Variants in SPAG16 observed in about 807,000 individuals in gnomAD.
The protein encoded by SPAG16 is sperm associated antigen 16.
Under a neutral mutation model 80.4 loss-of-function variants are expected in SPAG16, and 86 were observed. The observed-to-expected ratio is 1.07, with a 90% CI of 0.90 to 1.28. SPAG16 has a LOEUF of 1.28. Among genes scored for constraint, SPAG16 ranks in the 50% most tolerant of loss-of-function variants. The pLI, the probability that SPAG16 is intolerant of heterozygous loss-of-function variation, is 0.00. For missense variants in SPAG16, 870 were observed against 765.3 expected (o/e 1.14, Z -1.61); for synonymous variants, 294 against 265.9 (o/e 1.11, Z -1.03).
chr2:214,271,853 A>C (rs7597256), intron 15 of SPAG16, among the ~76,000 whole-genome samples: 79,749 of 122,988 alleles, frequency 0.65, 23,731 homozygotes, highest in South Asian at 0.75. Flanking sequence ...CCCCCCCCCC[A>C]AAAAAAAAGA....
chr2:213,649,021 TG>T (rs1300978396), intron 10 of SPAG16, among the ~76,000 whole-genome samples: 1 of 152,242 alleles, frequency 6.6e-6, no homozygotes, highest in Non-Finnish European at 1.5e-5. Flanking sequence ...ATGTATGTGT[TG>T]TTAGAAGTAT....
At chr2:213,819,017 AG>A (rs1300360855) in intron 10 of SPAG16, among the ~76,000 whole-genome samples, 1 of 152,134 alleles carries the variant, frequency 6.6e-6, no homozygotes, top group Non-Finnish European at 1.5e-5. Flanking sequence ...AAGTATTAAA[AG>A]TGTACATTCA....
At chr2:213,425,418 G>A (rs1223737043) in intron 9 of SPAG16, among the ~76,000 whole-genome samples, 3 of 152,314 alleles carry the variant, frequency 2.0e-5, no homozygotes, top group Admixed American at 2.0e-4. Flanking sequence ...GGGAGGCTGA[G>A]GTGGGTGGAT....
rs115088731 is a variant in SPAG16 at position 214,198,864 on chromosome 2, G to A, written c.1720+49598G>A. Among the ~76,000 whole-genome samples the A allele has an allele frequency of 9.4e-3, 1,433 of 152,078 alleles. 21 individuals carry two copies. The highest frequency in any genetic ancestry group is 0.032 in the African/African-American group (1,335 of 41,490). ...TTTCCCTGATAATTAGGGATATTGA[G>A]CATTTTTTCATATGTTTGTTGGCCA... On this transcript the variant is annotated intron_variant, in intron 15 of 15. Transcript: ENST00000331683.
At chr2:213,299,887 G>C (rs72935166) in intron 3 of SPAG16, among the ~76,000 whole-genome samples, 31,807 of 151,982 alleles carry the variant, frequency 0.21, 4,315 homozygotes, top group Non-Finnish European at 0.31. Context: ...ATATATGTTC[G>C]TTAGATTGTG....
At chr2:213,474,706 T>C (rs2073276422) in intron 9 of SPAG16, among the ~76,000 whole-genome samples, 1 of 152,180 alleles carries the variant, frequency 6.6e-6, no homozygotes, top group Non-Finnish European at 1.5e-5. Context: ...AAGAACTCTA[T>C]CCTTAATATT....
intron 9 of SPAG16, among the ~76,000 whole-genome samples, chr2:213,487,237 A>T (rs2074022389): frequency 1.3e-5 from 2 of 152,162 alleles, no homozygotes; most frequent in South Asian, 2.1e-4. Flanking sequence ...GTATTTTTTT[A>T]AAAAGCTGCC....
chr2:213,601,609 A>G (rs1470151812), intron 10 of SPAG16, among the ~76,000 whole-genome samples: 2 of 151,448 alleles, frequency 1.3e-5, no homozygotes, highest in African/African-American at 4.9e-5. Context: ...TCTGAAATGA[A>G]TAAAGTCAGG....
intron 15 of SPAG16, among the ~76,000 whole-genome samples, chr2:214,383,422 A>G (rs1222880380): frequency 6.6e-6 from 1 of 151,770 alleles, no homozygotes; most frequent in Non-Finnish European, 1.5e-5. Flanking sequence ...AAAATACAAA[A>G]ATTAGCCGGG....
Position 214,012,286 on chromosome 2 carries a change from A to ATTT in SPAG16, c.1401-1664_1401-1663insTTT, listed in dbSNP as rs1162955315. 1.1e-3 allele frequency among the ~76,000 whole-genome samples: 58 copies of ATTT among 54,922 alleles called. 1 individual carries two copies. Among genetic ancestry groups the ATTT allele is most frequent in the South Asian group, 2.9e-3 (2 of 688 alleles). 36.0% of individuals were successfully genotyped at this position (54,922 alleles called of 152,430 possible). A position where few individuals can be genotyped will look rare whatever the true frequency, so the allele number is the denominator to read the frequency against. On this transcript the variant is annotated intron_variant, in intron 12 of 15. Coordinates refer to ENST00000331683, the MANE Select transcript of SPAG16 (RefSeq NM_024532.5). ...TATATATATATATATATATATATAT[A>ATTT]TATTTTTTTTTTTTTTTTTTTTTCC...
At chr2:213,724,255 T>C (rs939241323) in intron 10 of SPAG16, among the ~76,000 whole-genome samples, 1 of 152,148 alleles carries the variant, frequency 6.6e-6, no homozygotes, top group African/African-American at 2.4e-5. Flanking sequence ...AAGCATGATT[T>C]AGTGAGTCTG....
chr2:214,373,537 A>G (rs1699939154), intron 15 of SPAG16, among the ~76,000 whole-genome samples: 1 of 152,184 alleles, frequency 6.6e-6, no homozygotes, highest in Non-Finnish European at 1.5e-5. Flanking sequence ...ATGGCAGGGA[A>G]TGTTCAATTT....
At chr2:213,829,415 T>C (rs976682055) in intron 10 of SPAG16, among the ~76,000 whole-genome samples, 2 of 152,040 alleles carry the variant, frequency 1.3e-5, no homozygotes, top group South Asian at 2.1e-4. Flanking sequence ...CTGTTGCCCC[T>C]GGTAGGCCCA....
At chr2:213,694,291 A>G (rs2065070845) in intron 10 of SPAG16, among the ~76,000 whole-genome samples, 1 of 152,198 alleles carries the variant, frequency 6.6e-6, no homozygotes, top group Admixed American at 6.5e-5. Flanking sequence ...GCCTTCTGTA[A>G]TCGAGCTGTA....
intron 10 of SPAG16, among the ~76,000 whole-genome samples, chr2:213,537,876 T>A (rs891709263): frequency 2.0e-5 from 3 of 152,168 alleles, no homozygotes; most frequent in African/African-American, 7.2e-5. Context: ...TTAACATACT[T>A]GGCAGCAGAC....
chr2:214,267,297 CAT>C (rs1166034155), intron 15 of SPAG16, among the ~76,000 whole-genome samples: 6 of 151,678 alleles, frequency 4.0e-5, no homozygotes, highest in Non-Finnish European at 7.4e-5. Flanking sequence ...TAAAAACAGA[CAT>C]ATTGACCAGT....
At chr2:213,535,589 A>G (rs9679516) in intron 10 of SPAG16, among the ~76,000 whole-genome samples, 8,836 of 152,166 alleles carry the variant, frequency 0.058, 852 homozygotes, top group African/African-American at 0.2. Context: ...TATTTTGTAT[A>G]TAATCTATTT....
At chr2:213,898,542 T>C (rs570635067) in intron 11 of SPAG16, among the ~76,000 whole-genome samples, 1 of 152,284 alleles carries the variant, frequency 6.6e-6, no homozygotes, top group South Asian at 2.1e-4. Context: ...ACTGAATTTA[T>C]GGTGGAACAG....
At chr2:213,585,976 C>T (rs565686941) in intron 10 of SPAG16, among the ~76,000 whole-genome samples, 1 of 152,228 alleles carries the variant, frequency 6.6e-6, no homozygotes, top group South Asian at 2.1e-4. Context: ...CTAATCATCT[C>T]CATAACATAT....
Sources: gnomAD v4.1 joint callset for allele counts (sites outside exome capture counted in the v4.1 genomes callset) on GRCh38, gnomAD v4.1.1 for gene constraint, MANE v1.5 for transcripts, NCBI Gene and HGNC (gene_info 2026-07-23, HGNC 2026-07-21) for gene names.